Variants in LOC112694756 observed in about 807,000 individuals in gnomAD.
At chr16:30,055,719 G>A in the LOC112694756 span, among the ~76,000 whole-genome samples, 2 of 152,078 alleles carry the variant, frequency 1.3e-5, no homozygotes, top group Non-Finnish European at 2.9e-5. Context: ...CAACAACCCT[G>A]AGAACTGAGA....
the LOC112694756 span, among the ~76,000 whole-genome samples, chr16:30,065,499 C>T: frequency 2.0e-5 from 3 of 152,208 alleles, no homozygotes; most frequent in Non-Finnish European, 4.4e-5. Context: ...CCCCAGAGCG[C>T]GCCAGGCTGG....
the LOC112694756 span, chr16:30,064,209 C>A: frequency 2.5e-6 from 1 of 397,876 alleles, no homozygotes; most frequent in Admixed American, 4.4e-5. Flanking sequence ...AGGGGTGCCT[C>A]AACCACACTC....
the LOC112694756 span, chr16:30,066,817 G>T: frequency 3.4e-6 from 5 of 1,492,082 alleles, no homozygotes; most frequent in African/African-American, 2.8e-5. Flanking sequence ...TCCCACGAGG[G>T]TGTTGGGCCC....
the LOC112694756 span, among the ~76,000 whole-genome samples, chr16:30,062,207 A>T: frequency 6.8e-6 from 1 of 147,530 alleles, no homozygotes; most frequent in Non-Finnish European, 1.5e-5. Flanking sequence ...CGTTTGAAAA[A>T]ACAAACAAAC....
the LOC112694756 span, chr16:30,064,288 A>C: frequency 2.5e-6 from 1 of 394,740 alleles, no homozygotes; most frequent in Admixed American, 4.4e-5. Flanking sequence ...TCTTAAAAAA[A>C]ACCAGGGCTC....
At chr16:30,064,658 G>C in the LOC112694756 span, 1 of 393,448 alleles carries the variant, frequency 2.5e-6, no homozygotes, top group East Asian at 3.6e-5. Context: ...CGGGAAAAGG[G>C]CAGGGGTCAT....
the LOC112694756 span, chr16:30,067,674 C>T: frequency 3.7e-6 from 6 of 1,613,908 alleles, no homozygotes; most frequent in Non-Finnish European, 5.1e-6. Context: ...AAGGGGAGGG[C>T]CTCCGGACGT....
the LOC112694756 span, among the ~76,000 whole-genome samples, chr16:30,056,461 G>T: frequency 5.3e-5 from 8 of 152,124 alleles, no homozygotes; most frequent in South Asian, 4.1e-4. Flanking sequence ...TTACAAACCC[G>T]CTCTCTATCC....
the LOC112694756 span, chr16:30,070,363 AGT>A: frequency 2.8e-6 from 2 of 716,738 alleles, no homozygotes; most frequent in Middle Eastern, 5.0e-4. Context: ...GTGAATGCTA[AGT>A]CCATCACCCT....
the LOC112694756 span, among the ~76,000 whole-genome samples, chr16:30,061,160 T>A: frequency 6.6e-6 from 1 of 152,258 alleles, no homozygotes; most frequent in Non-Finnish European, 1.5e-5. Flanking sequence ...GTCATCCCTG[T>A]CCCAGGGGAG....
the LOC112694756 span, chr16:30,069,407 T>C: frequency 6.2e-7 from 1 of 1,614,050 alleles, no homozygotes; most frequent in African/African-American, 1.3e-5. Context: ...GCTACCTGCC[T>C]GACCAGTGCA....
the LOC112694756 span, chr16:30,068,585 A>C: frequency 6.3e-7 from 1 of 1,577,594 alleles, no homozygotes; most frequent in African/African-American, 1.3e-5. Context: ...CCGGGGCGAC[A>C]GTGGAAAGGG....
chr16:30,067,838 C>T, the LOC112694756 span: 2 of 730,994 alleles, frequency 2.7e-6, no homozygotes, highest in African/African-American at 1.7e-5. Context: ...AGAACAGTAT[C>T]ATTCCCACTT....
chr16:30,067,072 C>T, the LOC112694756 span: 47 of 1,572,372 alleles, frequency 3.0e-5, no homozygotes, highest in Admixed American at 1.1e-4. Context: ...GGAAGTTGGG[C>T]GTAAGAGAGA....
chr16:30,064,149 CCA>C, the LOC112694756 span: 1 of 395,688 alleles, frequency 2.5e-6, no homozygotes, highest in Non-Finnish European at 4.5e-6. Flanking sequence ...GCGCTGCTCA[CCA>C]CACACAAGTG....
chr16:30,058,426 T>C, the LOC112694756 span, among the ~76,000 whole-genome samples: 1 of 151,978 alleles, frequency 6.6e-6, no homozygotes. Context: ...GAAACCCAGG[T>C]TTCTCTTCCT....
the LOC112694756 span, among the ~76,000 whole-genome samples, chr16:30,058,593 C>G: frequency 6.6e-6 from 1 of 151,780 alleles, no homozygotes; most frequent in Non-Finnish European, 1.5e-5. Context: ...TCAAGCGATT[C>G]TCCTGCCTCA....
At chr16:30,067,678 C>T in the LOC112694756 span, 14 of 1,613,790 alleles carry the variant, frequency 8.7e-6, no homozygotes, top group African/African-American at 8.0e-5. Flanking sequence ...GGAGGGCCTC[C>T]GGACGTGAGG....
At chr16:30,069,510 T>A in the LOC112694756 span, 3 of 1,614,022 alleles carry the variant, frequency 1.9e-6, no homozygotes, top group African/African-American at 1.3e-5. Context: ...TGCTGGCTGC[T>A]GTCTACAAGG....
Sources: allele counts gnomAD v4.1 joint callset (sites outside exome capture counted in the v4.1 genomes callset), GRCh38; gene constraint gnomAD v4.1.1; transcripts MANE v1.5.